FRMD7: variants seen among roughly 807,000 people sequenced by gnomAD.
The protein encoded by FRMD7 is FERM domain containing 7.
In FRMD7, 14 loss-of-function variants were observed where a neutral mutation model predicts 44.1. The observed-to-expected ratio is 0.32, with a 90% CI of 0.21 to 0.50. FRMD7 has a LOEUF of 0.50. Ranked by LOEUF, FRMD7 falls within the 20% of genes least tolerant of loss-of-function variation. The pLI, the probability that FRMD7 is intolerant of heterozygous loss-of-function variation, is 0.99. For missense variants in FRMD7, 501 were observed against 522.3 expected (o/e 0.96, Z 0.40); for synonymous variants, 212 against 187.4 (o/e 1.13, Z -1.07).
intron 1 of FRMD7, among the ~76,000 whole-genome samples, chrX:132,119,124 A>G (rs1408174998): frequency 3.6e-5 from 4 of 112,415 alleles, no homozygotes; most frequent in African/African-American, 1.3e-4. Context: ...GAGATTAGGT[A>G]CTATTTCTCA....
At chrX:132,085,541 C>T (rs778092375) in intron 7 of FRMD7, 40 bp downstream of exon 7, 12 of 1,184,556 alleles carry the variant, frequency 1.0e-5, no homozygotes, top group Non-Finnish European at 1.4e-5. Flanking sequence ...ATAACCACCC[C>T]TCACTAAAGC....
intron 5 of FRMD7, among the ~76,000 whole-genome samples, chrX:132,088,262 T>A (rs190382986): frequency 8.9e-6 from 1 of 112,175 alleles, no homozygotes; most frequent in East Asian, 2.8e-4. Flanking sequence ...ATGTAGAAAA[T>A]CCCAAGGTTG....
In FRMD7 at chrX:132,082,490, T is replaced by C. The variant is rs746903157; in HGVS notation, c.778A>G (p.Ser260Gly). ...CKDTLEFTMA[S>G]RDACKAFWKT... ...CAGAAAGCCTTGCAGGCATCTCGGC[T>C]GGCCATGGTGAACTCCAAGGTATCC... The change falls in exon 9 of 12, where the codon AGC becomes GGC. Residue 260 changes from serine to glycine, a missense_variant. Around this residue, in one of 3 missense-constraint regions of FRMD7, gnomAD observed 453 missense variants for 452.7 expected, o/e 1.00. Transcript: ENST00000298542. The C allele has an allele frequency of 6.2e-5, 75 of 1,209,131 alleles. 1 individual carries two copies. In the South Asian group the frequency reaches 1.3e-3, roughly 21 times the overall value.
intron 3 of FRMD7, among the ~76,000 whole-genome samples, chrX:132,098,501 G>A (rs186809508): frequency 8.9e-4 from 100 of 112,231 alleles, no homozygotes; most frequent in Non-Finnish European, 1.6e-3. Context: ...TTCTTTGGGA[G>A]TAATGTAGAT....
At position 132,078,688 on chromosome X, in the gene FRMD7, T is replaced by G. The variant is rs1035849739; in HGVS notation, c.1329A>C (p.Leu443=). 1 of 1,211,331 alleles carries G rather than the reference T, an allele frequency of 8.3e-7. No homozygotes were observed. Among genetic ancestry groups the G allele is most frequent in the East Asian group, 3.0e-5 (1 of 33,863 alleles). ...ACTTACAGCTTGTTTGGAAGGAGCTTAGAGAACTCCTCTCTGAAAAAATGT... is the reference window on the plus strand; with the variant it reads ...ACTTACAGCTTGTTTGGAAGGAGCTGAGAGAACTCCTCTCTGAAAAAATGT... ...PRDIFSERSS[L]SSFQTSCKFS... Residue 443 remains leucine, a synonymous_variant, in exon 12 of 12, where the codon CTA becomes CTC. Coordinates refer to ENST00000298542, the MANE Select transcript of FRMD7 (RefSeq NM_194277.3).
chrX:132,106,798 A>G (rs1237901197), intron 1 of FRMD7, among the ~76,000 whole-genome samples: 2 of 112,209 alleles, frequency 1.8e-5, no homozygotes, highest in Admixed American at 9.5e-5. Context: ...GCAAGTTCTC[A>G]GTTATAAGTG....
chrX:132,097,472 C>T (rs185646025), intron 3 of FRMD7, 128 bp from the exon 4 acceptor site: 627 of 533,526 alleles, frequency 1.2e-3, no homozygotes, highest in Middle Eastern at 0.011. Context: ...CCCCATCACT[C>T]CCTCCTACAG....
chrX:132,089,463 C>A (rs1346431342), intron 5 of FRMD7, among the ~76,000 whole-genome samples: 1 of 111,250 alleles, frequency 9.0e-6, no homozygotes, highest in African/African-American at 3.3e-5. Flanking sequence ...GATACAACAC[C>A]GAAAGAATGA....
chrX:132,120,138 T>C (rs1156615584), intron 1 of FRMD7, among the ~76,000 whole-genome samples: 1 of 112,249 alleles, frequency 8.9e-6, no homozygotes, highest in Non-Finnish European at 1.9e-5. Context: ...TTGAAGAATT[T>C]CTCCAAGTTG....
intron 1 of FRMD7, among the ~76,000 whole-genome samples, chrX:132,120,076 C>G (rs1322202824): frequency 8.9e-6 from 1 of 111,812 alleles, no homozygotes; most frequent in Non-Finnish European, 1.9e-5. Flanking sequence ...GATTTTCCCC[C>G]TCAGGCCATG....
chrX:132,114,083 C>T (rs1261426033), intron 1 of FRMD7, among the ~76,000 whole-genome samples: 1 of 110,620 alleles, frequency 9.0e-6, no homozygotes. Context: ...TCCCTTTTCT[C>T]ACTTGCTCCC....
intron 4 of FRMD7, among the ~76,000 whole-genome samples, chrX:132,096,100 G>A (rs765828084): frequency 9.0e-6 from 1 of 111,216 alleles, no homozygotes; most frequent in Non-Finnish European, 1.9e-5. Context: ...GTTAGCAAAC[G>A]CAAATACATA....
chrX:132,124,948 G>T (rs1278757791), intron 1 of FRMD7, among the ~76,000 whole-genome samples: 1 of 111,716 alleles, frequency 9.0e-6, no homozygotes, highest in Admixed American at 9.5e-5. Context: ...TGACTAAAAG[G>T]TCTCAATGCC....
chrX:132,124,731 G>A (rs747553963), intron 1 of FRMD7, among the ~76,000 whole-genome samples: 5 of 111,789 alleles, frequency 4.5e-5, no homozygotes, highest in African/African-American at 9.7e-5. Context: ...ATCAGAAAGC[G>A]GAGTTGTCAA....
intron 5 of FRMD7, among the ~76,000 whole-genome samples, chrX:132,092,249 G>C (rs1258619940): frequency 8.9e-6 from 1 of 112,233 alleles, no homozygotes; most frequent in Non-Finnish European, 1.9e-5. Flanking sequence ...GGCTAGAATA[G>C]AGAGGTGTGT....
intron 4 of FRMD7, among the ~76,000 whole-genome samples, chrX:132,094,945 C>T (rs893674925): frequency 9.0e-6 from 1 of 111,474 alleles, no homozygotes; most frequent in African/African-American, 3.3e-5. Context: ...ATTTATCCCA[C>T]ACTTATGAAA....
chrX:132,122,142 T>C (rs758164321), intron 1 of FRMD7, among the ~76,000 whole-genome samples: 2 of 112,333 alleles, frequency 1.8e-5, no homozygotes, highest in South Asian at 7.5e-4. Flanking sequence ...TAAGGAGGTC[T>C]GTAAGCCAGG....
intron 4 of FRMD7, among the ~76,000 whole-genome samples, chrX:132,096,381 G>A (rs866379719): frequency 2.6e-4 from 29 of 110,335 alleles, no homozygotes; most frequent in South Asian, 1.9e-3. Context: ...TAAACTAAGA[G>A]GGCTCGATTA....
intron 1 of FRMD7, among the ~76,000 whole-genome samples, chrX:132,121,507 C>T (rs1929032204): frequency 9.1e-6 from 1 of 110,011 alleles, no homozygotes; most frequent in Non-Finnish European, 1.9e-5. Context: ...CTTTCTAGTA[C>T]TAGTCTGAGT....
Sources: allele counts gnomAD v4.1 joint callset (sites outside exome capture counted in the v4.1 genomes callset), GRCh38; gene constraint gnomAD v4.1.1; regional missense constraint gnomAD v4.1.1; transcripts MANE v1.5; gene names NCBI Gene and HGNC (gene_info 2026-07-23, HGNC 2026-07-21).